Variants in ATP2B2 observed in about 807,000 individuals in gnomAD.
ATP2B2 encodes ATPase plasma membrane Ca2+ transporting 2.
Under a neutral mutation model 120.0 loss-of-function variants are expected in ATP2B2, and 15 were observed. That is an observed-to-expected ratio of 0.12 (90% CI 0.08 to 0.19). ATP2B2 has a LOEUF of 0.19. Ranked by LOEUF, ATP2B2 falls within the 10% of genes least tolerant of loss-of-function variation. The pLI is 1.00. For synonymous variants in ATP2B2, 694 were observed against 700.3 expected (o/e 0.99, Z 0.14); for missense variants, 1,045 against 1,719.8 (o/e 0.61, Z 6.94).
intron 1 of ATP2B2, among the ~76,000 whole-genome samples, chr3:10,627,666 G>T (rs1005424979): frequency 6.6e-6 from 1 of 152,172 alleles, no homozygotes; most frequent in African/African-American, 2.4e-5. Context: ...TCGGTGAACC[G>T]CAAGGGAAGA....
At chr3:10,438,276 G>T (rs2063541017) in intron 2 of ATP2B2, among the ~76,000 whole-genome samples, 1 of 152,210 alleles carries the variant, frequency 6.6e-6, no homozygotes, top group Non-Finnish European at 1.5e-5. Flanking sequence ...CTGAGCTGGG[G>T]TGTGCTGAAG....
intron 1 of ATP2B2, among the ~76,000 whole-genome samples, chr3:10,633,485 C>T (rs951674149): frequency 6.6e-6 from 1 of 152,138 alleles, no homozygotes; most frequent in South Asian, 2.1e-4. Context: ...TATTAATCAA[C>T]AGGGACCAAG....
chr3:10,536,146 C>T (rs918083986), intron 2 of ATP2B2, among the ~76,000 whole-genome samples: 1 of 152,086 alleles, frequency 6.6e-6, no homozygotes, highest in African/African-American at 2.4e-5. Context: ...CATCTTTTCA[C>T]GTGCTTATTT....
chr3:10,692,677 C>A (rs943660010), intron 1 of ATP2B2, among the ~76,000 whole-genome samples: 3 of 152,184 alleles, frequency 2.0e-5, no homozygotes, highest in African/African-American at 4.8e-5. Context: ...CTCCCCAGGG[C>A]AACACTGGGT....
chr3:10,396,419 C>A (rs1467811263), intron 5 of ATP2B2, among the ~76,000 whole-genome samples: 1 of 152,236 alleles, frequency 6.6e-6, no homozygotes, highest in East Asian at 1.9e-4. Context: ...TGTTTCCTGC[C>A]CTCTTCTAAG....
intron 2 of ATP2B2, among the ~76,000 whole-genome samples, chr3:10,553,440 A>C (rs1485370617): frequency 1.3e-5 from 2 of 152,218 alleles, no homozygotes; most frequent in Non-Finnish European, 2.9e-5. Context: ...TGAGGGCTGG[A>C]AGTGGCCTTT....
At chr3:10,453,268 T>C (rs2064129640) in intron 1 of ATP2B2, among the ~76,000 whole-genome samples, 1 of 152,238 alleles carries the variant, frequency 6.6e-6, no homozygotes, top group Admixed American at 6.5e-5. Context: ...ATCTACCTCA[T>C]AGATGTTATG....
intron 1 of ATP2B2, among the ~76,000 whole-genome samples, chr3:10,486,221 T>C (rs76443719): frequency 0.019 from 2,880 of 152,240 alleles, 89 homozygotes; most frequent in African/African-American, 0.064. Flanking sequence ...TCAGTTTCTC[T>C]GTCTGTAGAA....
chr3:10,648,883 G>A (rs1187949812), intron 1 of ATP2B2, among the ~76,000 whole-genome samples: 15 of 152,230 alleles, frequency 9.9e-5, no homozygotes, highest in Non-Finnish European at 4.4e-5. Context: ...GGCCACAGCA[G>A]AAGCTTCCTC....
chr3:10,502,811 A>C (rs761289946), intron 1 of ATP2B2, among the ~76,000 whole-genome samples: 6 of 152,352 alleles, frequency 3.9e-5, no homozygotes, highest in Non-Finnish European at 8.8e-5. Flanking sequence ...ATAGGTTCCC[A>C]AAATTTTGGT....
intron 3 of ATP2B2, among the ~76,000 whole-genome samples, chr3:10,525,113 T>A (rs2067065249): frequency 6.6e-6 from 1 of 152,104 alleles, no homozygotes; most frequent in Non-Finnish European, 1.5e-5. Context: ...CCCTGGACAG[T>A]TCAGGAGGAG....
At chr3:10,631,087 G>A (rs1193722508) in intron 1 of ATP2B2, among the ~76,000 whole-genome samples, 1 of 152,240 alleles carries the variant, frequency 6.6e-6, no homozygotes, top group East Asian at 1.9e-4. Context: ...CCTGGAGCAA[G>A]TTACTTACTC....
chr3:10,672,960 C>G lies in ATP2B2; in HGVS notation c.-460+34955G>C, dbSNP rs1050605855. 3.3e-5 allele frequency among the ~76,000 whole-genome samples: 5 copies of G among 152,254 alleles called. No individual in the cohort carries two copies. In the East Asian group the frequency reaches 9.6e-4, roughly 29 times the overall value. On this transcript the variant is annotated intron_variant, in intron 1 of 21. Coordinates refer to the ATP2B2 transcript ENST00000646379. ...ATTCAGAGAACACCCGCTGTGACAC[C>G]CAGAAACTGCACTGGGTGTGGCTCA...
At chr3:10,369,550 T>C (rs978970055) in intron 12 of ATP2B2, among the ~76,000 whole-genome samples, 21 of 152,220 alleles carry the variant, frequency 1.4e-4, no homozygotes, top group Admixed American at 4.6e-4. Context: ...CCCTGATGTC[T>C]CTGCTCTCTT....
At chr3:10,369,480 T>G (rs2061164169) in intron 12 of ATP2B2, among the ~76,000 whole-genome samples, 1 of 152,230 alleles carries the variant, frequency 6.6e-6, no homozygotes, top group Admixed American at 6.5e-5. Flanking sequence ...AGGGCATCCA[T>G]GGGTCAGTTT....
chr3:10,535,007 G>A (rs544750547), intron 2 of ATP2B2, among the ~76,000 whole-genome samples: 25 of 146,094 alleles, frequency 1.7e-4, no homozygotes, highest in African/African-American at 5.8e-4. Flanking sequence ...GGGTTCAAGC[G>A]ATTTTCCTGC....
chr3:10,696,501 C>T (rs890283381), intron 1 of ATP2B2, among the ~76,000 whole-genome samples: 5 of 152,166 alleles, frequency 3.3e-5, no homozygotes, highest in Admixed American at 3.3e-4. Context: ...CCTCTCCGTG[C>T]CCACCTCCAA....
At chr3:10,557,913 C>A (rs1029984536) in intron 2 of ATP2B2, among the ~76,000 whole-genome samples, 1 of 152,014 alleles carries the variant, frequency 6.6e-6, no homozygotes, top group African/African-American at 2.4e-5. Context: ...AGTGGTGTGG[C>A]CAGGCATGCC....
At chr3:10,486,756 G>C (rs571895676) in intron 1 of ATP2B2, among the ~76,000 whole-genome samples, 2 of 152,270 alleles carry the variant, frequency 1.3e-5, no homozygotes, top group South Asian at 4.1e-4. Flanking sequence ...GTCTCACTCT[G>C]TCGCCCAGGC....
Sources: allele counts gnomAD v4.1 joint callset (sites outside exome capture counted in the v4.1 genomes callset), GRCh38; gene constraint gnomAD v4.1.1; transcripts MANE v1.5; gene names NCBI Gene and HGNC (gene_info 2026-07-23, HGNC 2026-07-21).